The following CCDC40 variants were observed in gnomAD, a reference collection of about 807,000 sequenced individuals.
CCDC40 encodes the protein coiled-coil domain 40 molecular ruler complex subunit.
Under a neutral mutation model 124.5 loss-of-function variants are expected in CCDC40, and 104 were observed. The observed-to-expected ratio is 0.84, with a 90% CI of 0.71 to 0.98. The LOEUF is 0.98. Among genes scored for constraint, CCDC40 ranks in the 50% least tolerant of loss-of-function variants. CCDC40 has a pLI of 0.00. For synonymous variants in CCDC40, 580 were observed against 602.9 expected, an observed-to-expected ratio of 0.96 and a Z score of 0.56; for missense variants, 1,463 against 1,503.9, an observed-to-expected ratio of 0.97 and a Z score of 0.45.
chr17:80,040,284 A>G lies in CCDC40; in HGVS notation c.552+14A>G. ...GTGGGCAGATTGGTGAGTAGCCCTG[A>G]CTTCTGTTTTGTGCCAGTGTCGCAC... On this transcript the variant is annotated intron_variant, in intron 3 of 19. Coordinates refer to ENST00000397545, the MANE Select transcript of CCDC40 (RefSeq NM_017950.4). The G allele has an allele frequency of 6.2e-7, 1 of 1,611,360 alleles. No individual in the cohort carries two copies. The highest frequency in any genetic ancestry group is 8.5e-7 in the Non-Finnish European group (1 of 1,179,242).
chr17:80,085,886 T>G, intron 13 of CCDC40, 117 bp from the exon 14 acceptor site: 1 of 908,778 alleles, frequency 1.1e-6, no homozygotes, highest in Non-Finnish European at 1.8e-6. Context: ...GCCAGGCTGG[T>G]CTTGAACTCC....
At chr17:80,060,547 C>G (rs2037871173) in intron 9 of CCDC40, among the ~76,000 whole-genome samples, 1 of 150,538 alleles carries the variant, frequency 6.6e-6, no homozygotes, top group South Asian at 2.1e-4. Context: ...TTTTAAAGTT[C>G]ACTTAGAAGA....
chr17:80,043,353 T>C (rs988017865), intron 3 of CCDC40, among the ~76,000 whole-genome samples: 1 of 152,170 alleles, frequency 6.6e-6, no homozygotes, highest in African/African-American at 2.4e-5. Flanking sequence ...GGGGTCCTCA[T>C]TGATGCTGGG....
At chr17:80,090,104 C>G (rs750260124) in intron 17 of CCDC40, 1 of 1,536,444 alleles carries the variant, frequency 6.5e-7, no homozygotes, top group South Asian at 1.2e-5. Context: ...CCCCCTTGAC[C>G]CAGCTTTTAC....
At chr17:80,042,770 A>C (rs1042129317) in intron 3 of CCDC40, among the ~76,000 whole-genome samples, 12 of 152,122 alleles carry the variant, frequency 7.9e-5, no homozygotes, top group Admixed American at 7.9e-4. Context: ...CTTTGACTGT[A>C]AAGTGCCATG....
chr17:80,087,945 C>A lies in CCDC40; in HGVS notation c.2620-66C>A. On this transcript the variant is annotated intron_variant, in intron 15 of 19. Transcript: ENST00000397545. This position sits in a 1 kb window ranked among gnomAD's most constrained non-coding sequence, Gnocchi z 4.5. ...CTGCCCTCGGTGCCGGGATAGAGGG[C>A]ACCAGCCCCGGCATCCACAATCCCA... 1 of 1,367,690 alleles carries A rather than the reference C, an allele frequency of 7.3e-7. No homozygotes were observed. Among genetic ancestry groups the A allele is most frequent in the Non-Finnish European group, 1.0e-6 (1 of 956,734 alleles). The allele number at this position is 1,367,690 out of a possible 1,614,324, so 84.7% of individuals were successfully genotyped here.
At position 80,058,647 on chromosome 17, in the gene CCDC40, A is replaced by G; in HGVS notation, c.1313A>G (p.Lys438Arg). The G allele has an allele frequency of 6.2e-7, 1 of 1,614,198 alleles. No homozygotes were observed. The highest frequency in any genetic ancestry group is 8.5e-7 in the Non-Finnish European group (1 of 1,180,018). Residue 438 changes from lysine to arginine, a missense_variant, in exon 8 of 20, where the codon AAG becomes AGG. Physicochemically the swap from Lys to Arg is conservative, Grantham distance 26. Transcript: ENST00000397545. This position sits in a 1 kb window ranked among gnomAD's most constrained non-coding sequence, Gnocchi z 4.2. The stretch of plus-strand genomic sequence containing the variant: ...ATCCGGGCAGAAATCGAGAAGAAAA[A>G]GCAGGTATTCTGCAAACTCGACACA... ...ERIRAEIEKK[K>R]QDLYVDQLTT...
At chr17:80,065,684 T>G (rs1416236731) in intron 10 of CCDC40, 78 bp downstream of exon 10, 3 of 1,580,564 alleles carry the variant, frequency 1.9e-6, no homozygotes, top group Non-Finnish European at 2.6e-6. Context: ...ACCCCCTCTC[T>G]CTGGGTCCAC....
intron 17 of CCDC40, 103 bp from the exon 18 acceptor site, chr17:80,095,160 A>G (rs375605146): frequency 1.3e-5 from 14 of 1,075,318 alleles, no homozygotes; most frequent in African/African-American, 1.2e-4. Flanking sequence ...GCCGATCCCC[A>G]TGCGTGTCAC....
In CCDC40 at chr17:80,058,954, CG is replaced by C. The variant is rs764011276; in HGVS notation, c.1416del (p.Ile473PhefsTer2). ...GTACTTGGCCCAAGCTGAGGACACCCGGATTTTAAGGAAAGCAGTGAGTGAG... is the reference window on the plus strand; with the variant it reads ...GTACTTGGCCCAAGCTGAGGACACCCGATTTTAAGGAAAGCAGTGAGTGAG... ...AQYLAQAEDTRILRKAVSEAC... is the reference protein window; with the variant it reads ...AQYLAQAEDTXILRKAVSEAC... On this transcript the variant is annotated frameshift_variant, in exon 9 of 20. Transcript: ENST00000397545. LOFTEE classifies it high-confidence loss of function. The surrounding 1 kb of genome is among the most constrained non-coding windows in gnomAD (Gnocchi z 4.2). The C allele has an allele frequency of 1.2e-5, 19 of 1,614,134 alleles. No homozygotes were observed. The South Asian group carries it at 1.9e-4, about 16-fold the overall frequency.
rs775299709 is a variant in CCDC40 at position 80,058,610 on chromosome 17, G to T, written c.1276G>T (p.Glu426Ter). 6.2e-7 allele frequency: 1 copy of T among 1,614,246 alleles called. No homozygotes were observed. Among genetic ancestry groups the T allele is most frequent in the Non-Finnish European group, 8.5e-7 (1 of 1,180,040 alleles). Residue 426 changes from glutamate (E) to a stop codon, truncating the protein, a stop_gained, in exon 8 of 20, where the codon GAG (glutamate) becomes TAG (stop). Transcript: ENST00000397545. LOFTEE classifies it high-confidence loss of function. The surrounding 1 kb of genome is among the most constrained non-coding windows in gnomAD (Gnocchi z 4.2). ...RVMTQVVKKA[E>*]TERIRAEIEK... ...GATGACACAAGTGGTAAAGAAGGCCGAGACGGAGAGGATCCGGGCAGAAAT... is the reference window on the plus strand; with the variant it reads ...GATGACACAAGTGGTAAAGAAGGCCTAGACGGAGAGGATCCGGGCAGAAAT...
chr17:80,068,029 TTTA>T (rs1329865917), intron 10 of CCDC40: 12 of 1,017,580 alleles, frequency 1.2e-5, no homozygotes, highest in Non-Finnish European at 1.4e-5. Flanking sequence ...CCAACTTTTA[TTTA>T]TTATATTTTT....
chr17:80,051,316 G>T, intron 7 of CCDC40: 1 of 983,222 alleles, frequency 1.0e-6, no homozygotes, highest in Non-Finnish European at 1.2e-6. Flanking sequence ...TTCAGAGTTA[G>T]GGTAAGTGGG....
intron 7 of CCDC40, among the ~76,000 whole-genome samples, chr17:80,056,127 C>T (rs1171563184): frequency 6.7e-6 from 1 of 148,906 alleles, no homozygotes; most frequent in Non-Finnish European, 1.5e-5. Flanking sequence ...CCTGGGATTA[C>T]AGGCATAAGC....
chr17:80,091,936 T>C (rs889633671), intron 17 of CCDC40: 1 of 152,186 alleles, frequency 6.6e-6, no homozygotes, highest in Non-Finnish European at 1.5e-5. Flanking sequence ...TCTATCTTTT[T>C]TTTTTTTTAA....
chr17:80,070,559 C>T (rs1362551988), intron 10 of CCDC40, among the ~76,000 whole-genome samples: 3 of 152,122 alleles, frequency 2.0e-5, no homozygotes, highest in African/African-American at 4.8e-5. Flanking sequence ...TGTGATTGCA[C>T]GAATGCACTC....
rs1440435827 is a variant in CCDC40, at chr17:80,072,679, CTG to C, written c.1562+7075_1562+7076del. ...TGTCATATAAATGGAATCGCGCAGT[CTG>C]TAGCTTTTCTTGTCTGGCTTCTTCC... On this transcript the variant is annotated intron_variant, in intron 10 of 19. Coordinates refer to ENST00000397545, the MANE Select transcript of CCDC40 (RefSeq NM_017950.4). Among the ~76,000 whole-genome samples, 6 of 152,284 alleles carry C rather than the reference CTG, an allele frequency of 3.9e-5. No homozygotes were observed. The East Asian group carries it at 1.2e-3, about 29-fold the overall frequency.
Position 80,087,811 on chromosome 17 carries a change from A to T in CCDC40, c.2619+35A>T, listed in dbSNP as rs2038619684. 5 of 1,604,220 alleles carry T rather than the reference A, an allele frequency of 3.1e-6. No homozygotes were observed. The highest frequency in any genetic ancestry group is 4.3e-6 in the Non-Finnish European group (5 of 1,171,498). On this transcript the variant is annotated intron_variant, in intron 15 of 19. Transcript: ENST00000397545. The surrounding 1 kb of genome is among the most constrained non-coding windows in gnomAD (Gnocchi z 4.5). ...TGTCCACGCAGTCCCGGGGCTCAGG[A>T]CGATGGAGGGCGGGGGTACGGTCCT...
At chr17:80,082,083 C>T (rs1237464930) in intron 12 of CCDC40, 25 bp downstream of exon 12, 1 of 1,608,024 alleles carries the variant, frequency 6.2e-7, no homozygotes, top group Non-Finnish European at 8.5e-7. Context: ...CAGGGAGGGG[C>T]TGTGCGAAGC....
Sources: allele counts gnomAD v4.1 joint callset (sites outside exome capture counted in the v4.1 genomes callset), GRCh38; gene constraint gnomAD v4.1.1; non-coding constraint Gnocchi (gnomAD v3.1); transcripts MANE v1.5; gene names NCBI Gene and HGNC (gene_info 2026-07-23, HGNC 2026-07-21).